The following ADTRP variants were observed in gnomAD, a reference collection of about 807,000 sequenced individuals.
ADTRP encodes androgen dependent TFPI regulating protein, also known as androgen-dependent TFPI-regulating protein.
Under a neutral mutation model 27.0 loss-of-function variants are expected in ADTRP, and 20 were observed. The observed-to-expected ratio is 0.74, with a 90% CI of 0.52 to 1.08. ADTRP has a LOEUF of 1.08. Ranked by LOEUF, ADTRP falls within the 50% of genes least tolerant of loss-of-function variation. The pLI is 0.00. For synonymous variants in ADTRP, 101 were observed against 105.2 expected (o/e 0.96, Z 0.25); for missense variants, 251 against 275.0 (o/e 0.91, Z 0.62).
intron 1 of ADTRP, among the ~76,000 whole-genome samples, chr6:11,771,457 G>A (rs1267576215): frequency 6.6e-6 from 1 of 152,234 alleles, no homozygotes; most frequent in Non-Finnish European, 1.5e-5. Context: ...CGGAGAGCGA[G>A]AGAGCCTCTC....
intron 4 of ADTRP, among the ~76,000 whole-genome samples, chr6:11,732,009 G>A (rs1011091490): frequency 6.6e-6 from 1 of 152,174 alleles, no homozygotes; most frequent in Non-Finnish European, 1.5e-5. Flanking sequence ...TAGGTGAGGT[G>A]TTTTGGGGTA....
At chr6:11,751,171 T>C (rs1328948888) in intron 3 of ADTRP, among the ~76,000 whole-genome samples, 1 of 152,204 alleles carries the variant, frequency 6.6e-6, no homozygotes, top group Non-Finnish European at 1.5e-5. Flanking sequence ...TTAACTGGAA[T>C]TAGTGATTAG....
intron 4 of ADTRP, among the ~76,000 whole-genome samples, chr6:11,725,486 C>T (rs916735041): frequency 2.6e-5 from 4 of 152,124 alleles, no homozygotes; most frequent in Non-Finnish European, 4.4e-5. Context: ...TATTGTCTTA[C>T]ACTCATTAGG....
intron 5 of ADTRP, among the ~76,000 whole-genome samples, chr6:11,716,713 C>CTTTTTT (rs1296163176): frequency 0.019 from 1,400 of 72,386 alleles, 9 homozygotes; most frequent in Non-Finnish European, 0.031. Flanking sequence ...TTTTCTTTTT[C>CTTTTTT]TTTTTCTTTT....
chr6:11,759,599 T>G (rs1406978072), intron 3 of ADTRP, among the ~76,000 whole-genome samples: 1 of 152,112 alleles, frequency 6.6e-6, no homozygotes, highest in East Asian at 1.9e-4. Context: ...GTGAAAAGGG[T>G]TACAATGCAG....
At chr6:11,741,713 ATT>A (rs71312624) in intron 3 of ADTRP, among the ~76,000 whole-genome samples, 1,548 of 129,196 alleles carry the variant, frequency 0.012, 12 homozygotes, top group East Asian at 0.04. Context: ...TAAGGATAAG[ATT>A]TTTTTTAAAA....
chr6:11,736,709 C>T (rs1438035141), intron 3 of ADTRP: 1 of 152,378 alleles, frequency 6.6e-6, no homozygotes, highest in Non-Finnish European at 1.5e-5. Flanking sequence ...GAATTTTCCT[C>T]TTGCTAATTT....
In ADTRP at chr6:11,749,355, T is replaced by C. The variant is rs1762968926; in HGVS notation, c.391-13672A>G. The stretch of plus-strand genomic sequence containing the variant: ...TGAGAATAGAATATATTCAGCTCTG[T>C]ACATGTTGATTCAGAGATACCTACT... On this transcript the variant is annotated intron_variant, in intron 3 of 5. Transcript: ENST00000414691. Among the ~76,000 whole-genome samples, 3 of 152,168 alleles carry C rather than the reference T, an allele frequency of 2.0e-5. No individual in the cohort carries two copies. In the South Asian group the frequency reaches 6.2e-4, roughly 31 times the overall value.
intron 5 of ADTRP, among the ~76,000 whole-genome samples, chr6:11,715,648 CTTTTTTT>C (rs55815652): frequency 0.069 from 8,326 of 121,184 alleles, 654 homozygotes; most frequent in East Asian, 0.45. Flanking sequence ...CTGTTTTTCC[CTTTTTTT>C]TTTTTTTTTT....
At chr6:11,716,713 C>CTTTTT (rs1296163176) in intron 5 of ADTRP, among the ~76,000 whole-genome samples, 2 of 72,360 alleles carry the variant, frequency 2.8e-5, no homozygotes, top group Non-Finnish European at 2.9e-5. Flanking sequence ...TTTTCTTTTT[C>CTTTTT]TTTTTCTTTT....
intron 3 of ADTRP, among the ~76,000 whole-genome samples, chr6:11,750,158 T>A (rs1043364881): frequency 6.6e-6 from 1 of 152,098 alleles, no homozygotes; most frequent in African/African-American, 2.4e-5. Flanking sequence ...TAAAAGAGGT[T>A]GGGAAATTGG....
At chr6:11,733,970 T>C (rs1205657577) in intron 4 of ADTRP, among the ~76,000 whole-genome samples, 1 of 152,178 alleles carries the variant, frequency 6.6e-6, no homozygotes, top group African/African-American at 2.4e-5. Context: ...GAAAATCAAC[T>C]TACAAGTCCT....
At chr6:11,717,751 G>A in intron 5 of ADTRP, among the ~76,000 whole-genome samples, 1 of 152,232 alleles carries the variant, frequency 6.6e-6, no homozygotes, top group East Asian at 1.9e-4. Context: ...GGGCTGGCTG[G>A]AGAAACTCCT....
chr6:11,716,148 C>T (rs1761817019), intron 5 of ADTRP, among the ~76,000 whole-genome samples: 1 of 152,068 alleles, frequency 6.6e-6, no homozygotes, highest in Non-Finnish European at 1.5e-5. Context: ...TAAACTTGGT[C>T]AATATAAACT....
At chr6:11,744,439 T>G (rs944752888) in intron 3 of ADTRP, among the ~76,000 whole-genome samples, 2 of 152,216 alleles carry the variant, frequency 1.3e-5, no homozygotes, top group Non-Finnish European at 2.9e-5. Context: ...GGGTGCCCAC[T>G]CTATAGTCAC....
chr6:11,714,484 C>T lies in ADTRP; in HGVS notation c.687G>A (p.Arg229=). 6.2e-7 allele frequency: 1 copy of T among 1,613,424 alleles called. No homozygotes were observed. The change falls in exon 6 of 6, where the codon AGG becomes AGA. Residue 229 remains arginine, a synonymous_variant. Coordinates refer to ENST00000414691, the MANE Select transcript of ADTRP (RefSeq NM_032744.4). ...WGDMRQPRKK[R]K ...CTTGGAAAATGGTGTGCAATTACTT[C>T]CTCTTCTTCCGTGGCTGCCTCATGT...
At chr6:11,758,098 G>C (rs947788465) in intron 3 of ADTRP, among the ~76,000 whole-genome samples, 3 of 152,146 alleles carry the variant, frequency 2.0e-5, no homozygotes, top group African/African-American at 7.2e-5. Context: ...TTCATCATCT[G>C]TTCTAATCTG....
intron 4 of ADTRP, among the ~76,000 whole-genome samples, chr6:11,729,742 T>C (rs777776696): frequency 5.9e-5 from 9 of 152,176 alleles, no homozygotes; most frequent in Admixed American, 2.6e-4. Context: ...TGAGGGCATA[T>C]CCTGAACCAA....
chr6:11,738,471 C>G (rs1463964230), intron 3 of ADTRP: 1 of 152,322 alleles, frequency 6.6e-6, no homozygotes, highest in East Asian at 1.9e-4. Flanking sequence ...TCTCTCCCAG[C>G]CTTCACTCTG....
Sources: allele counts gnomAD v4.1 joint callset (sites outside exome capture counted in the v4.1 genomes callset), GRCh38; gene constraint gnomAD v4.1.1; transcripts MANE v1.5; gene names NCBI Gene and HGNC (gene_info 2026-07-23, HGNC 2026-07-21).